Variants in AGO2 observed in about 807,000 individuals in gnomAD.
AGO2 encodes argonaute RISC catalytic component 2, also known as protein argonaute-2.
A neutral mutation model predicts 102.3 loss-of-function variants in AGO2; 5 were observed. That is an observed-to-expected ratio of 0.05 (90% confidence interval 0.03 to 0.10). The LOEUF is 0.10. AGO2 is among the 10% of genes least tolerant of loss of function. The pLI is 1.00. For missense variants in AGO2, 541 were observed against 1,183.7 expected, an observed-to-expected ratio of 0.46 and a Z score of 7.97; for synonymous variants, 449 against 473.1, an observed-to-expected ratio of 0.95 and a Z score of 0.66.
At position 140,589,437 on chromosome 8, in the gene AGO2, A is replaced by C. The variant is rs139035816; in HGVS notation, c.23-4126T>G. On this transcript the variant is annotated intron_variant, in intron 1 of 18. Transcript: ENST00000220592. This position sits in a 1 kb window ranked among gnomAD's most constrained non-coding sequence, Gnocchi z 4.2. ...GTGGCAGCCTCGCTGTGAGGCTGGC[A>C]CAGGGGCCCAGGGCTGTCTCCTAGG... Among the ~76,000 whole-genome samples, 763 of 151,822 alleles carry C rather than the reference A, an allele frequency of 5.0e-3. 3 individuals carry two copies. The highest frequency in any genetic ancestry group is 0.01 in the Middle Eastern group (3 of 292).
intron 1 of AGO2, among the ~76,000 whole-genome samples, chr8:140,609,318 C>T (rs777616569): frequency 6.6e-5 from 10 of 152,222 alleles, no homozygotes; most frequent in Admixed American, 1.3e-4. Context: ...GCATCACACC[C>T]GGCAGAGCGG....
chr8:140,557,033 G>T lies in AGO2; in HGVS notation c.1026+56C>A. The T allele has an allele frequency of 6.4e-7, 1 of 1,568,616 alleles. No homozygotes were observed. Among genetic ancestry groups the T allele is most frequent in the Non-Finnish European group, 8.7e-7 (1 of 1,155,364 alleles). ...CGGTTTCTCGAAGCTGCATGCCCCA[G>T]CCTGGGACGCCGCCCTCCCAAGCCC... On this transcript the variant is annotated intron_variant, in intron 8 of 18. Transcript: ENST00000220592. The surrounding 1 kb of genome is among the most constrained non-coding windows in gnomAD (Gnocchi z 5.9).
intron 1 of AGO2, among the ~76,000 whole-genome samples, chr8:140,612,891 A>G (rs1230455200): frequency 6.6e-6 from 1 of 151,306 alleles, no homozygotes; most frequent in African/African-American, 2.4e-5. Flanking sequence ...TTTTTTTTTT[A>G]TACTTCAACC....
chr8:140,612,040 G>A (rs544704565), intron 1 of AGO2, among the ~76,000 whole-genome samples: 31 of 151,648 alleles, frequency 2.0e-4, no homozygotes, highest in African/African-American at 6.8e-4. Context: ...TGGCTAACAC[G>A]GTGAAACCCC....
At chr8:140,548,193 G>A (rs567905339) in intron 12 of AGO2, among the ~76,000 whole-genome samples, 2 of 152,072 alleles carry the variant, frequency 1.3e-5, no homozygotes, top group African/African-American at 2.4e-5. Context: ...GTGTGTGCCT[G>A]TAATCCCAGC....
intron 1 of AGO2, among the ~76,000 whole-genome samples, chr8:140,607,604 C>T (rs2074021180): frequency 6.6e-6 from 1 of 151,314 alleles, no homozygotes; most frequent in Admixed American, 6.6e-5. Context: ...ATTACACACC[C>T]ATGAAAAGGA....
intron 4 of AGO2, among the ~76,000 whole-genome samples, chr8:140,560,943 G>A (rs1317883128): frequency 2.0e-5 from 3 of 152,256 alleles, no homozygotes; most frequent in Non-Finnish European, 4.4e-5. Context: ...CCCCAGCCGT[G>A]GGGAGACGTG....
At chr8:140,568,584 C>T (rs1040199367) in intron 3 of AGO2, among the ~76,000 whole-genome samples, 2 of 152,146 alleles carry the variant, frequency 1.3e-5, no homozygotes, top group African/African-American at 2.4e-5. Context: ...TGCCAGGCTG[C>T]GTGCCACATG....
upstream of AGO2, chr8:140,636,160 C>G (rs2074406834): frequency 6.6e-6 from 1 of 152,136 alleles, no homozygotes; most frequent in African/African-American, 2.4e-5. Context: ...TCGGGAAGCT[C>G]CCTCCCAGCC....
chr8:140,548,666 C>T (rs774873327), intron 12 of AGO2, among the ~76,000 whole-genome samples: 1 of 152,224 alleles, frequency 6.6e-6, no homozygotes, highest in Non-Finnish European at 1.5e-5. Context: ...TGTGGCTCAG[C>T]GTGGGGCCCT....
At chr8:140,535,364 TCA>T in intron 17 of AGO2, 102 bp downstream of exon 17, 2 of 1,133,772 alleles carry the variant, frequency 1.8e-6, no homozygotes, top group Middle Eastern at 2.1e-4. Flanking sequence ...TGTGGGCCCC[TCA>T]CACCACATCC....
chr8:140,532,734 C>T (rs1235684146), intron 17 of AGO2, 119 bp from the exon 18 acceptor site: 12 of 1,146,900 alleles, frequency 1.0e-5, no homozygotes, highest in South Asian at 1.5e-5. Flanking sequence ...CGGAGGCTCA[C>T]GCCTGTAATC....
At chr8:140,599,782 C>T (rs1422393907) in intron 1 of AGO2, among the ~76,000 whole-genome samples, 1 of 152,250 alleles carries the variant, frequency 6.6e-6, no homozygotes, top group East Asian at 1.9e-4. Context: ...AGTACAGGGG[C>T]GCAATCTCGG....
At chr8:140,630,064 A>G (rs2074323887) in intron 1 of AGO2, among the ~76,000 whole-genome samples, 1 of 152,132 alleles carries the variant, frequency 6.6e-6, no homozygotes, top group Non-Finnish European at 1.5e-5. Flanking sequence ...GACACGCGTC[A>G]GCACCCTTTG....
chr8:140,542,339 G>A (rs868122439), intron 14 of AGO2, among the ~76,000 whole-genome samples: 19 of 152,284 alleles, frequency 1.2e-4, no homozygotes, highest in Middle Eastern at 3.4e-3. Flanking sequence ...CTCCTTCTTC[G>A]TAAATCCTTA....
intron 2 of AGO2, among the ~76,000 whole-genome samples, chr8:140,582,761 T>C (rs889887640): frequency 7.2e-5 from 11 of 152,238 alleles, no homozygotes; most frequent in Admixed American, 7.2e-4. Context: ...ATGTAACAGC[T>C]ATTTTTAAAA....
At chr8:140,543,829 C>A (rs1367726065) in intron 14 of AGO2, among the ~76,000 whole-genome samples, 1 of 152,228 alleles carries the variant, frequency 6.6e-6, no homozygotes, top group Non-Finnish European at 1.5e-5. Context: ...AAAACAGAAG[C>A]AGCACGGGCC....
chr8:140,550,778 C>T (rs1342719546), intron 11 of AGO2, among the ~76,000 whole-genome samples: 2 of 152,034 alleles, frequency 1.3e-5, no homozygotes, highest in African/African-American at 4.8e-5. Context: ...CCACGCTTGG[C>T]TAATTTTTCT....
chr8:140,566,348 T>A (rs1272549429), intron 3 of AGO2, among the ~76,000 whole-genome samples: 1 of 152,238 alleles, frequency 6.6e-6, no homozygotes, highest in Non-Finnish European at 1.5e-5. Flanking sequence ...CATGGAACTG[T>A]ATGTCCAATT....
Sources: allele counts gnomAD v4.1 joint callset (sites outside exome capture counted in the v4.1 genomes callset), GRCh38; gene constraint gnomAD v4.1.1; non-coding constraint Gnocchi (gnomAD v3.1); transcripts MANE v1.5; gene names NCBI Gene and HGNC (gene_info 2026-07-23, HGNC 2026-07-21).